The following DYNC2I1 variants were observed in gnomAD, a reference collection of about 807,000 sequenced individuals.
DYNC2I1 encodes cytoplasmic dynein 2 intermediate chain 1.
Under a neutral mutation model 133.4 loss-of-function variants are expected in DYNC2I1, and 89 were observed. The ratio of observed to expected loss-of-function variants is 0.67; its 90% CI spans 0.56 to 0.80. DYNC2I1 has a LOEUF of 0.80. Ranked by LOEUF, DYNC2I1 falls within the 30% of genes least tolerant of loss-of-function variation. The pLI, the probability that DYNC2I1 is intolerant of heterozygous loss-of-function variation, is 0.00. For missense variants in DYNC2I1, 1,291 were observed against 1,314.5 expected (o/e 0.98, Z 0.28); for synonymous variants, 504 against 484.3 (o/e 1.04, Z -0.54).
At chr7:158,923,889 A>G (rs1020957855) in intron 17 of DYNC2I1, among the ~76,000 whole-genome samples, 156 bp downstream of exon 17, 2 of 152,240 alleles carry the variant, frequency 1.3e-5, no homozygotes, top group Non-Finnish European at 2.9e-5. Context: ...AATACAAAAA[A>G]CAGAAATCAA....
At position 158,884,563 on chromosome 7, in the gene DYNC2I1, G is replaced by A; in HGVS notation, c.880-1G>A. 1 of 1,610,390 alleles carries A rather than the reference G, an allele frequency of 6.2e-7. No individual in the cohort carries two copies. Among genetic ancestry groups the A allele is most frequent in the Non-Finnish European group, 8.5e-7 (1 of 1,178,282 alleles). The stretch of plus-strand genomic sequence containing the variant: ...TATGGGATTATATTTTTGTTTGATA[G>A]AATGGTGAACACAGAAATCGAGGTG... On this transcript the variant is annotated splice_acceptor_variant, in intron 5 of 24. Coordinates refer to ENST00000407559, the MANE Select transcript of DYNC2I1 (RefSeq NM_018051.5). LOFTEE classifies it high-confidence loss of function.
intron 3 of DYNC2I1, among the ~76,000 whole-genome samples, chr7:158,875,914 G>T (rs957093996): frequency 1.3e-5 from 2 of 152,336 alleles, no homozygotes; most frequent in East Asian, 1.9e-4. Context: ...TATGAGTTTG[G>T]TCTGGTGCCC....
At chr7:158,874,544 A>G (rs1843178949) in intron 3 of DYNC2I1, among the ~76,000 whole-genome samples, 1 of 152,088 alleles carries the variant, frequency 6.6e-6, no homozygotes, top group Non-Finnish European at 1.5e-5. Flanking sequence ...ATTGTACTGG[A>G]AAGACTTTTG....
intron 8 of DYNC2I1, among the ~76,000 whole-genome samples, chr7:158,894,112 T>TGCATATCCTACGGCATATCATACC: frequency 2.1e-5 from 1 of 48,632 alleles, no homozygotes; most frequent in Non-Finnish European, 5.8e-5. Context: ...CATATCCTAC[T>TGCATATCCTACGGCATATCATACC]GCATATCCTA....
chr7:158,942,987 C>A (rs1851522485), intron 24 of DYNC2I1, among the ~76,000 whole-genome samples: 1 of 152,198 alleles, frequency 6.6e-6, no homozygotes, highest in South Asian at 2.1e-4. Context: ...CTTGTCTGTT[C>A]ACCTGTGTTT....
At chr7:158,850,696 G>A in the DYNC2I1 span, among the ~76,000 whole-genome samples, 2 of 152,220 alleles carry the variant, frequency 1.3e-5, no homozygotes, top group Non-Finnish European at 2.9e-5. Flanking sequence ...CCTTCCCAAT[G>A]ATGACTACTG....
chr7:158,894,132 A>ATATCATACCGCATATCC, intron 8 of DYNC2I1, among the ~76,000 whole-genome samples: 1 of 150,954 alleles, frequency 6.6e-6, no homozygotes, highest in Non-Finnish European at 1.5e-5. Context: ...ACCGCATATC[A>ATATCATACCGCATATCC]TACCGCATAT....
the DYNC2I1 span, among the ~76,000 whole-genome samples, chr7:158,839,897 G>A: frequency 4.6e-5 from 7 of 151,916 alleles, no homozygotes; most frequent in Middle Eastern, 3.2e-3. Context: ...CTTGTCTCGC[G>A]GCAGCCCCAG....
At chr7:158,902,262 G>GT in intron 9 of DYNC2I1, 114 bp from the exon 10 acceptor site, 1 of 845,776 alleles carries the variant, frequency 1.2e-6, no homozygotes. Context: ...TTTCTTAGCT[G>GT]TAATAAGGAC....
rs1846338469 is a variant in DYNC2I1, at chr7:158,902,376, G to A, written c.1138G>A (p.Asp380Asn). 1 of 1,611,448 alleles carries A rather than the reference G, an allele frequency of 6.2e-7. No individual in the cohort carries two copies. Among genetic ancestry groups the A allele is most frequent in the Non-Finnish European group, 8.5e-7 (1 of 1,179,450 alleles). ...YTASCEDDFE[D>N]YEDDFEVCDG... The stretch of plus-strand genomic sequence containing the variant: ...TCCAAAAGATTATTATTGTTTGCAG[G>A]ACTATGAAGATGACTTTGAGGTTTG... Residue 380 changes from aspartate (D) to asparagine (N), a missense_variant and splice_region_variant, in exon 10 of 25, where the codon GAC becomes AAC. Asp to Asn is a conservative substitution (Grantham distance 23, BLOSUM62 1). Transcript: ENST00000407559.
intron 20 of DYNC2I1, among the ~76,000 whole-genome samples, chr7:158,927,990 G>A (rs1023167919): frequency 8.5e-5 from 13 of 152,160 alleles, no homozygotes; most frequent in African/African-American, 2.2e-4. Context: ...CTTTCAGTGC[G>A]CATTCATTTT....
intron 10 of DYNC2I1, among the ~76,000 whole-genome samples, chr7:158,905,707 G>C (rs1205393929): frequency 6.6e-6 from 1 of 152,204 alleles, no homozygotes; most frequent in Admixed American, 6.5e-5. Flanking sequence ...TGGGGGCTTA[G>C]AACTGCATCT....
chr7:158,926,550 A>G (rs533488091), intron 19 of DYNC2I1, 87 bp downstream of exon 19: 1 of 1,431,992 alleles, frequency 7.0e-7, no homozygotes, highest in African/African-American at 1.4e-5. Flanking sequence ...AGGGGGCGGG[A>G]CCCAGTTAGC....
At chr7:158,950,799 G>A (rs1032033942), downstream of DYNC2I1, among the ~76,000 whole-genome samples, 4 of 148,602 alleles carry the variant, frequency 2.7e-5, no homozygotes, top group African/African-American at 7.5e-5. Context: ...GATTCCAGGT[G>A]TGATATACTG....
chr7:158,842,173 C>T, the DYNC2I1 span, among the ~76,000 whole-genome samples: 1 of 152,176 alleles, frequency 6.6e-6, no homozygotes, highest in Non-Finnish European at 1.5e-5. Flanking sequence ...GGACTGCAGG[C>T]ACCCGCCACC....
At chr7:158,911,740 TG>T in intron 12 of DYNC2I1, 61 bp downstream of exon 12, 1 of 1,523,174 alleles carries the variant, frequency 6.6e-7, no homozygotes, top group Non-Finnish European at 8.9e-7. Flanking sequence ...AGGATAACTT[TG>T]TGTCTTCCTG....
chr7:158,850,345 T>C, the DYNC2I1 span, among the ~76,000 whole-genome samples: 5 of 152,210 alleles, frequency 3.3e-5, no homozygotes, highest in Admixed American at 3.3e-4. Flanking sequence ...GGGCAGATCC[T>C]GCCTGTTTCT....
chr7:158,937,699 G>A (rs772533433), intron 23 of DYNC2I1, among the ~76,000 whole-genome samples: 1 of 151,432 alleles, frequency 6.6e-6, no homozygotes, highest in East Asian at 1.9e-4. Flanking sequence ...CAAGGCAGGA[G>A]GATCTCTTGA....
intron 3 of DYNC2I1, among the ~76,000 whole-genome samples, chr7:158,875,905 A>G (rs1267627467): frequency 6.6e-6 from 1 of 152,152 alleles, no homozygotes; most frequent in Non-Finnish European, 1.5e-5. Context: ...TGAAGGCTGT[A>G]TGAGTTTGGT....
Sources: allele counts gnomAD v4.1 joint callset (sites outside exome capture counted in the v4.1 genomes callset), GRCh38; gene constraint gnomAD v4.1.1; transcripts MANE v1.5; gene names NCBI Gene and HGNC (gene_info 2026-07-23, HGNC 2026-07-21).